The following FAM221A variants were observed in gnomAD, a reference collection of about 807,000 sequenced individuals.
FAM221A encodes the protein protein FAM221A.
FAM221A carries 43 observed loss-of-function variants against 37.6 expected under a neutral mutation model. The observed-to-expected ratio is 1.15, with a 90% CI of 0.90 to 1.48. FAM221A has a LOEUF of 1.48. Ranked by LOEUF, FAM221A falls within the 40% of genes most tolerant of loss-of-function variation. FAM221A has a pLI of 0.00. For missense variants in FAM221A, 361 were observed against 361.5 expected (o/e 1.00, Z 0.01); for synonymous variants, 135 against 132.9 (o/e 1.02, Z -0.11).
intron 6 of FAM221A, 144 bp from the exon 7 acceptor site, chr7:23,701,952 C>G (rs753030191): frequency 4.2e-5 from 18 of 431,446 alleles, no homozygotes; most frequent in Non-Finnish European, 6.3e-5. Flanking sequence ...TAATTATGTC[C>G]CTTTAACAGA....
At chr7:23,682,563 G>A (rs1426391799) in intron 1 of FAM221A, among the ~76,000 whole-genome samples, 1 of 151,632 alleles carries the variant, frequency 6.6e-6, no homozygotes, top group Non-Finnish European at 1.5e-5. Flanking sequence ...CAGAGTAGTT[G>A]GGATTATAGG....
At chr7:23,693,726 G>T (rs1013800563) in intron 4 of FAM221A, 8 of 151,836 alleles carry the variant, frequency 5.3e-5, no homozygotes, top group Admixed American at 1.3e-4. Context: ...TATTTTTTGT[G>T]AAAGTGTGAG....
At chr7:23,680,939 G>A (rs1784000623) in intron 1 of FAM221A, among the ~76,000 whole-genome samples, 1 of 152,188 alleles carries the variant, frequency 6.6e-6, no homozygotes, top group Non-Finnish European at 1.5e-5. Context: ...GCGGGAGGAT[G>A]TGTGTGTACA....
intron 4 of FAM221A, among the ~76,000 whole-genome samples, chr7:23,697,763 A>G (rs559245850): frequency 6.6e-6 from 1 of 152,314 alleles, no homozygotes; most frequent in African/African-American, 2.4e-5. Context: ...ACAAAAATCT[A>G]AATAAAAAGA....
chr7:23,692,315 T>A, intron 4 of FAM221A: 1 of 525,878 alleles, frequency 1.9e-6, no homozygotes, highest in Non-Finnish European at 2.4e-6. Flanking sequence ...AAAAATTACA[T>A]AAATACAAGT....
intron 1 of FAM221A, among the ~76,000 whole-genome samples, chr7:23,683,244 T>C (rs1326888236): frequency 6.6e-6 from 1 of 152,212 alleles, no homozygotes; most frequent in African/African-American, 2.4e-5. Flanking sequence ...GGAGGCCAAC[T>C]CTTAATTTCT....
At chr7:23,691,262 G>T (rs1004072958) in intron 3 of FAM221A, 128 bp from the exon 4 acceptor site, 1 of 740,840 alleles carries the variant, frequency 1.3e-6, no homozygotes, top group Middle Eastern at 3.9e-4. Context: ...GAAGGAGTTC[G>T]GTGGCTGGAG....
chr7:23,689,551 T>C (rs1199423531), intron 3 of FAM221A, 92 bp downstream of exon 3: 1 of 879,432 alleles, frequency 1.1e-6, no homozygotes, highest in Admixed American at 2.7e-5. Context: ...GTAGAGTTAA[T>C]ATTCAGTTGT....
rs1784259029 is a variant in FAM221A, at chr7:23,684,627, A to G, written c.194A>G (p.Asp65Gly). The change falls in exon 2 of 7, where the codon GAT (aspartate) becomes GGT (glycine). Residue 65 changes from aspartate (D) to glycine (G), a missense_variant. Physicochemically the swap from Asp to Gly is moderately conservative, Grantham distance 94. Transcript: ENST00000344962. The part of the protein sequence containing the change: ...FVSWRSPTGM[D>G]CKLVGPETLC... ...AGCTGGCGGTCACCAACAGGGATGGATTGTAAACTTGTGGGCCCAGAGACA... is the reference window on the plus strand; with the variant it reads ...AGCTGGCGGTCACCAACAGGGATGGGTTGTAAACTTGTGGGCCCAGAGACA... 6.2e-7 allele frequency: 1 copy of G among 1,613,980 alleles called. No homozygotes were observed.
chr7:23,686,451 G>A (rs1345898829), intron 2 of FAM221A: 2 of 303,388 alleles, frequency 6.6e-6, no homozygotes, highest in African/African-American at 4.6e-5. Flanking sequence ...TTTTTGTAGA[G>A]AAGTGGTTTG....
At chr7:23,686,773 A>G (rs1228671198) in intron 2 of FAM221A, 4 of 151,088 alleles carry the variant, frequency 2.6e-5, no homozygotes, top group Non-Finnish European at 5.9e-5. Flanking sequence ...TTTTTTTTAC[A>G]ATATCTGTAT....
intron 4 of FAM221A, chr7:23,693,337 T>C (rs1021635590): frequency 1.3e-5 from 2 of 152,216 alleles, no homozygotes; most frequent in East Asian, 3.8e-4. Flanking sequence ...ACTTGATTTT[T>C]TTTGCCAGTC....
chr7:23,702,019 G>T, intron 6 of FAM221A, 77 bp from the exon 7 acceptor site: 2 of 917,088 alleles, frequency 2.2e-6, no homozygotes, highest in South Asian at 2.0e-5. Context: ...ACATGAATCT[G>T]AATGAGTTTT....
chr7:23,695,664 T>G (rs1460741830), intron 4 of FAM221A, among the ~76,000 whole-genome samples: 1 of 152,182 alleles, frequency 6.6e-6, no homozygotes, highest in Non-Finnish European at 1.5e-5. Context: ...TAAGCCACTA[T>G]TCCTGGCCAA....
intron 4 of FAM221A, chr7:23,694,544 T>A (rs1374320969): frequency 6.6e-6 from 1 of 152,266 alleles, no homozygotes; most frequent in Non-Finnish European, 1.5e-5. Context: ...ATGATCATGT[T>A]TGATGACGGC....
At position 23,684,608 on chromosome 7, in the gene FAM221A, C is replaced by CGTG; in HGVS notation, c.176_177insTGG (p.Arg59_Ser60insGly). 2 of 1,613,946 alleles carry CGTG rather than the reference C, an allele frequency of 1.2e-6. No homozygotes were observed. The highest frequency in any genetic ancestry group is 1.7e-6 in the Non-Finnish European group (2 of 1,179,922). ...ACAAAACAGATTATTTGTGAGCTGG[C>CGTG]GGTCACCAACAGGGATGGATTGTAA... On this transcript the variant is annotated inframe_insertion, in exon 2 of 7. Coordinates refer to ENST00000344962, the MANE Select transcript of FAM221A (RefSeq NM_199136.5).
chr7:23,691,719 G>T, intron 4 of FAM221A, 123 bp downstream of exon 4: 24 of 849,782 alleles, frequency 2.8e-5, no homozygotes, highest in East Asian at 1.1e-4. Flanking sequence ...TCTCTCGTTT[G>T]ATTTTTATTT....
At position 23,690,199 on chromosome 7, in the gene FAM221A, A is replaced by ATATAT. The variant is rs774313037; in HGVS notation, c.430+741_430+742insATATT. Among the ~76,000 whole-genome samples the ATATAT allele has an allele frequency of 5.0e-3, 244 of 48,714 alleles. 3 individuals carry two copies. Among genetic ancestry groups the ATATAT allele is most frequent in the Admixed American group, 8.6e-3 (29 of 3,366 alleles). The allele number at this position is 48,714 out of a possible 152,430, so 32.0% of individuals were successfully genotyped here. Reference sequence around the variant, plus strand: ...TATATATATATATATATATATATATATTTTTTTTTTTTTTAATAGAGTTTT... The same window carrying ATATAT: ...TATATATATATATATATATATATATATATATTTTTTTTTTTTTTTAATAGAGTTTT... On this transcript the variant is annotated intron_variant, in intron 3 of 6. Coordinates refer to ENST00000344962, the MANE Select transcript of FAM221A (RefSeq NM_199136.5).
chr7:23,695,818 T>C (rs1045914498), intron 4 of FAM221A, among the ~76,000 whole-genome samples: 1 of 152,258 alleles, frequency 6.6e-6, no homozygotes, highest in Non-Finnish European at 1.5e-5. Context: ...CAATTTTTAG[T>C]TTATTTTATA....
Sources: gnomAD v4.1 joint callset for allele counts (sites outside exome capture counted in the v4.1 genomes callset) on GRCh38, gnomAD v4.1.1 for gene constraint, MANE v1.5 for transcripts, NCBI Gene and HGNC (gene_info 2026-07-23, HGNC 2026-07-21) for gene names.